The following TBC1D1 variants were observed in gnomAD, a reference collection of about 807,000 sequenced individuals.
TBC1D1 encodes TBC1 (tre-2/USP6, BUB2, cdc16) domain family, member 1.
Under a neutral mutation model 125.6 loss-of-function variants are expected in TBC1D1, and 89 were observed. That is an observed-to-expected ratio of 0.71 (90% CI 0.60 to 0.85). The LOEUF is 0.85. Among genes scored for constraint, TBC1D1 ranks in the 40% least tolerant of loss-of-function variants. The pLI, the probability that TBC1D1 is intolerant of heterozygous loss-of-function variation, is 0.00. For missense variants in TBC1D1, 1,377 were observed against 1,469.2 expected, an observed-to-expected ratio of 0.94 and a Z score of 1.03; for synonymous variants, 565 against 564.1, an observed-to-expected ratio of 1.00 and a Z score of -0.02.
At chr4:37,978,327 G>A (rs1189618573) in intron 2 of TBC1D1, among the ~76,000 whole-genome samples, 9 of 151,934 alleles carry the variant, frequency 5.9e-5, no homozygotes, top group African/African-American at 2.2e-4. Context: ...CTCGCTGGTC[G>A]TTAGGGCATC....
intron 17 of TBC1D1, among the ~76,000 whole-genome samples, chr4:38,122,594 C>T (rs749617706): frequency 4.6e-5 from 7 of 152,184 alleles, no homozygotes; most frequent in Non-Finnish European, 7.3e-5. Context: ...TCTCGTAACA[C>T]CCTGGGCATA....
At chr4:37,893,420 C>G (rs1450369895) in intron 1 of TBC1D1, among the ~76,000 whole-genome samples, 1 of 152,180 alleles carries the variant, frequency 6.6e-6, no homozygotes, top group African/African-American at 2.4e-5. Context: ...CCGTGCTGCC[C>G]TTCTCAAGTT....
At chr4:38,116,451 T>G (rs1037605564) in intron 16 of TBC1D1, among the ~76,000 whole-genome samples, 1 of 152,228 alleles carries the variant, frequency 6.6e-6, no homozygotes, top group African/African-American at 2.4e-5. Flanking sequence ...GCACACTGCG[T>G]CACGTTATCC....
At chr4:38,126,086 A>G (rs1332253798) in intron 18 of TBC1D1, among the ~76,000 whole-genome samples, 1 of 152,272 alleles carries the variant, frequency 6.6e-6, no homozygotes, top group Non-Finnish European at 1.5e-5. Flanking sequence ...GGTATAGCCT[A>G]CTACACACCT....
At chr4:37,904,081 T>G (rs1312782314) in intron 2 of TBC1D1, among the ~76,000 whole-genome samples, 1 of 152,188 alleles carries the variant, frequency 6.6e-6, no homozygotes, top group South Asian at 2.1e-4. Flanking sequence ...GGCAATTGAG[T>G]CTGTTTTCTT....
intron 12 of TBC1D1, among the ~76,000 whole-genome samples, chr4:38,077,717 C>T (rs966758847): frequency 6.6e-6 from 1 of 150,892 alleles, no homozygotes; most frequent in Non-Finnish European, 1.5e-5. Flanking sequence ...GTCTGGGGAG[C>T]CGTCGTCATC....
chr4:38,064,910 C>T (rs1392845637), intron 12 of TBC1D1, among the ~76,000 whole-genome samples: 2 of 151,358 alleles, frequency 1.3e-5, no homozygotes, highest in Non-Finnish European at 2.9e-5. Context: ...CAGGCGTGAG[C>T]CACCATGCCC....
At position 38,137,755 on chromosome 4, in the gene TBC1D1, G is replaced by T. The variant is rs1368933987; in HGVS notation, c.*420G>T. 6.3e-6 allele frequency: 1 copy of T among 159,404 alleles called. No homozygotes were observed. Among genetic ancestry groups the T allele is most frequent in the Non-Finnish European group, 1.4e-5 (1 of 72,970 alleles). The allele number at this position is 159,404 out of a possible 1,614,324, so 9.9% of individuals were successfully genotyped here. On this transcript the variant is annotated 3_prime_UTR_variant, in exon 20 of 20. Coordinates refer to ENST00000261439, the MANE Select transcript of TBC1D1 (RefSeq NM_015173.4). ...CCATCGTTCTTCCGAGAGGGTTTGTGTGGCGACTACACCCTCAGCGTCCCT... is the reference window on the plus strand; with the variant it reads ...CCATCGTTCTTCCGAGAGGGTTTGTTTGGCGACTACACCCTCAGCGTCCCT...
In TBC1D1 at chr4:38,014,576, C is replaced by A; in HGVS notation, c.485C>A (p.Pro162Gln). 6.2e-7 allele frequency: 1 copy of A among 1,613,408 alleles called. No individual in the cohort carries two copies. The highest frequency in any genetic ancestry group is 8.5e-7 in the Non-Finnish European group (1 of 1,180,052). ...GCCCGGCAGGAGGAGCTGCACTGCC[C>A]GTCCGAGTTCGACGACACGTTTTCC... is the stretch of plus-strand genomic sequence containing the variant. The change falls in exon 3 of 20, where the codon CCG becomes CAG. Residue 162 changes from proline (P) to glutamine (Q), a missense_variant. Around this residue, in one of 3 missense-constraint regions of TBC1D1, gnomAD observed 822 missense variants for 824.6 expected, o/e 1.00. Coordinates refer to ENST00000261439, the MANE Select transcript of TBC1D1 (RefSeq NM_015173.4). This position sits in a 1 kb window ranked among gnomAD's most constrained non-coding sequence, Gnocchi z 5.1.
chr4:38,121,406 GT>G (rs2152598341), intron 17 of TBC1D1, among the ~76,000 whole-genome samples: 1 of 152,330 alleles, frequency 6.6e-6, no homozygotes, highest in African/African-American at 2.4e-5. Flanking sequence ...AAGAAAAGCA[GT>G]TCCTTTGTGT....
intron 2 of TBC1D1, among the ~76,000 whole-genome samples, chr4:37,949,719 A>T (rs142233106): frequency 2.2e-4 from 34 of 152,344 alleles, no homozygotes; most frequent in African/African-American, 7.9e-4. Context: ...CAGAAAGTAA[A>T]TATTTTCAAC....
chr4:38,088,296 A>G (rs567899012), intron 12 of TBC1D1, among the ~76,000 whole-genome samples: 1 of 152,354 alleles, frequency 6.6e-6, no homozygotes, highest in South Asian at 2.1e-4. Flanking sequence ...AAGGATTTGT[A>G]AGTGTTTTGC....
intron 11 of TBC1D1, among the ~76,000 whole-genome samples, chr4:38,050,174 A>G (rs1259201411): frequency 6.6e-6 from 1 of 152,216 alleles, no homozygotes; most frequent in Non-Finnish European, 1.5e-5. Context: ...GACGTTGTTG[A>G]CTGTGGAACT....
chr4:38,039,455 C>G (rs1246995743), intron 8 of TBC1D1, among the ~76,000 whole-genome samples: 1 of 152,052 alleles, frequency 6.6e-6, no homozygotes. Flanking sequence ...TTCCACTTAG[C>G]ATAACGTTTC....
At chr4:38,048,252 A>G (rs936075517) in intron 10 of TBC1D1, among the ~76,000 whole-genome samples, 14 of 152,332 alleles carry the variant, frequency 9.2e-5, no homozygotes, top group African/African-American at 2.6e-4. Context: ...ACAAATGAAA[A>G]TGGCCCTTTC....
At chr4:38,132,674 A>AG (rs149656267) in intron 18 of TBC1D1, 9,826 of 167,726 alleles carry the variant, frequency 0.059, 774 homozygotes, top group African/African-American at 0.19. Flanking sequence ...CTCTGCAAAC[A>AG]GGCTATGATT....
chr4:38,051,910 C>T (rs1750628794), intron 11 of TBC1D1: 1 of 1,550,264 alleles, frequency 6.5e-7, no homozygotes, highest in Middle Eastern at 1.7e-4. Context: ...GTGGATCCTT[C>T]ACCTGTGGGT....
intron 12 of TBC1D1, among the ~76,000 whole-genome samples, chr4:38,069,698 A>C (rs1200791326): frequency 6.6e-6 from 1 of 152,054 alleles, no homozygotes; most frequent in Non-Finnish European, 1.5e-5. Flanking sequence ...GCTGGCTGCC[A>C]ATCTGTGTTT....
chr4:37,944,664 G>A (rs778219594), intron 2 of TBC1D1, among the ~76,000 whole-genome samples: 6 of 152,356 alleles, frequency 3.9e-5, no homozygotes, highest in Non-Finnish European at 7.3e-5. Context: ...CTGGTGTGCC[G>A]TTTGCTAAGA....
Sources: allele counts gnomAD v4.1 joint callset (sites outside exome capture counted in the v4.1 genomes callset), GRCh38; gene constraint gnomAD v4.1.1; regional missense constraint gnomAD v4.1.1; non-coding constraint Gnocchi (gnomAD v3.1); transcripts MANE v1.5; gene names NCBI Gene and HGNC (gene_info 2026-07-23, HGNC 2026-07-21).